Variants in PTPRF observed in about 807,000 individuals in gnomAD.
PTPRF encodes the protein protein tyrosine phosphatase receptor type F, also known as receptor-type tyrosine-protein phosphatase F.
In PTPRF, 59 loss-of-function variants were observed where a neutral mutation model predicts 201.8. That is an observed-to-expected ratio of 0.29 (90% CI 0.24 to 0.36). The LOEUF (loss-of-function observed/expected upper bound fraction) is 0.36. Among genes scored for constraint, PTPRF ranks in the 10% least tolerant of loss-of-function variants. The pLI, the probability that PTPRF is intolerant of heterozygous loss-of-function variation, is 1.00. For missense variants in PTPRF, 2,132 were observed against 2,690.5 expected (o/e 0.79, Z 4.59); for synonymous variants, 1,088 against 1,089.7 (o/e 1.00, Z 0.03).
At chr1:43,522,669 G>T (rs1185289283), upstream of PTPRF, among the ~76,000 whole-genome samples, 1 of 152,230 alleles carries the variant, frequency 6.6e-6, no homozygotes, top group African/African-American at 2.4e-5. Context: ...CAAAAGTGAA[G>T]AATGAGTTAC....
In PTPRF at chr1:43,553,381, T is replaced by TC; in HGVS notation, c.92-109dup. ...CTAAGCGCTACATAAAGGTGAGGTG[T>TC]CCTTGTTTTCTTTGTAGGTCTTTCT... On this transcript the variant is annotated intron_variant, in intron 3 of 33. Coordinates refer to ENST00000359947, the MANE Select transcript of PTPRF (RefSeq NM_002840.5). This position sits in a 1 kb window ranked among gnomAD's most constrained non-coding sequence, Gnocchi z 4.1. 2 of 1,236,536 alleles carry TC rather than the reference T, an allele frequency of 1.6e-6. No individual in the cohort carries two copies. Among genetic ancestry groups the TC allele is most frequent in the East Asian group, 4.7e-5 (2 of 42,826 alleles). The allele number at this position is 1,236,536 out of a possible 1,614,324, so 76.6% of individuals were successfully genotyped here.
At chr1:43,572,053 C>G (rs564724914) in intron 6 of PTPRF, among the ~76,000 whole-genome samples, 1 of 152,362 alleles carries the variant, frequency 6.6e-6, no homozygotes, top group East Asian at 1.9e-4. Flanking sequence ...CTGACCCGTC[C>G]TTGGTCCTTG....
chr1:43,550,602 A>G (rs1294338195), intron 3 of PTPRF, among the ~76,000 whole-genome samples: 1 of 152,206 alleles, frequency 6.6e-6, no homozygotes, highest in Admixed American at 6.5e-5. Context: ...CAGGCATGCT[A>G]TCTGCCCTGC....
chr1:43,548,243 G>A (rs1208432986), intron 3 of PTPRF, among the ~76,000 whole-genome samples: 1 of 152,064 alleles, frequency 6.6e-6, no homozygotes, highest in East Asian at 1.9e-4. Flanking sequence ...GGTGGGGTCC[G>A]AAGACCAGGT....
chr1:43,604,331 A>G, intron 16 of PTPRF, 142 bp downstream of exon 16: 1 of 849,568 alleles, frequency 1.2e-6, no homozygotes, highest in Non-Finnish European at 1.8e-6. Flanking sequence ...TGTGACCACT[A>G]ACCTCTAGTG....
Position 43,591,860 on chromosome 1 carries a change from G to A in PTPRF, c.1580G>A (p.Arg527Lys). The A allele has an allele frequency of 6.2e-7, 1 of 1,613,556 alleles. No individual in the cohort carries two copies. The highest frequency in any genetic ancestry group is 2.2e-5 in the East Asian group (1 of 44,880). The change falls in exon 10 of 34, where the codon AGG (arginine) becomes AAG (lysine). Residue 527 changes from arginine (R) to lysine (K), a missense_variant. Transcript: ENST00000359947. ...DFQAEVESDT[R>K]IQLSWLLPPQ... ...CAGGCCGAGGTGGAGTCGGACACCAGGATCCAGCTCTCGTGGCTGCTGCCC... is the reference window on the plus strand; with the variant it reads ...CAGGCCGAGGTGGAGTCGGACACCAAGATCCAGCTCTCGTGGCTGCTGCCC...
chr1:43,600,446 T>G (rs1358610980), intron 13 of PTPRF, among the ~76,000 whole-genome samples: 1 of 150,968 alleles, frequency 6.6e-6, no homozygotes, highest in African/African-American at 2.5e-5. Flanking sequence ...ACACTGAAGA[T>G]GGAGGCCTGC....
chr1:43,570,030 A>T (rs1428303141), intron 6 of PTPRF, among the ~76,000 whole-genome samples: 1 of 152,156 alleles, frequency 6.6e-6, no homozygotes, highest in Non-Finnish European at 1.5e-5. Flanking sequence ...AGCACATGTG[A>T]TGTGCCAGTG....
In PTPRF at chr1:43,530,889, A is replaced by AGCGGTGGCGGCG. The variant is rs995361249; in HGVS notation, c.-324_-313dup. 5 of 151,354 alleles carry AGCGGTGGCGGCG rather than the reference A, an allele frequency of 3.3e-5. No homozygotes were observed. The highest frequency in any genetic ancestry group is 1.2e-4 in the African/African-American group (5 of 40,680). 9.4% of individuals were successfully genotyped at this position (151,354 alleles called of 1,614,324 possible). On this transcript the variant is annotated 5_prime_UTR_variant, in exon 1 of 34. Coordinates refer to ENST00000359947, the MANE Select transcript of PTPRF (RefSeq NM_002840.5). This position sits in a 1 kb window ranked among gnomAD's most constrained non-coding sequence, Gnocchi z 4.1. ...CTGGAGCTGGCGCGGGAGCGGCGGG[A>AGCGGTGGCGGCG]GCGGTGGCGGCGGCAGAGGCGGCGG...
At chr1:43,556,414 A>G (rs1346609321) in intron 5 of PTPRF, among the ~76,000 whole-genome samples, 3 of 152,184 alleles carry the variant, frequency 2.0e-5, no homozygotes, top group Non-Finnish European at 2.9e-5. Context: ...GGCAGGTGCC[A>G]CCACGCCCAG....
Position 43,622,034 on chromosome 1 carries a change from C to T in PTPRF, c.*31C>T. 1 of 1,607,998 alleles carries T rather than the reference C, an allele frequency of 6.2e-7. No homozygotes were observed. Among genetic ancestry groups the T allele is most frequent in the Non-Finnish European group, 8.5e-7 (1 of 1,174,792 alleles). ...GCTCCCCTCTCCTCCGCCACCCCCG[C>T]CGTGGGGCTCCGGAGGGGACCCAGC... On this transcript the variant is annotated 3_prime_UTR_variant, in exon 34 of 34. Transcript: ENST00000359947.
upstream of PTPRF, among the ~76,000 whole-genome samples, chr1:43,524,228 G>A (rs905921446): frequency 4.6e-5 from 7 of 152,122 alleles, no homozygotes; most frequent in African/African-American, 1.2e-4. Flanking sequence ...GGAGGATGGC[G>A]GTGGTAAGGG....
chr1:43,553,669 C>T lies in PTPRF; in HGVS notation c.237+32C>T. ...CTGTGGTGGGAAGGGGTCGGCAGGG[C>T]TCAGGGTCTGCCCACACTCTCTCCT... On this transcript the variant is annotated intron_variant, in intron 4 of 33. Coordinates refer to ENST00000359947, the MANE Select transcript of PTPRF (RefSeq NM_002840.5). This position sits in a 1 kb window ranked among gnomAD's most constrained non-coding sequence, Gnocchi z 4.1. 6.2e-7 allele frequency: 1 copy of T among 1,612,808 alleles called. No individual in the cohort carries two copies. The highest frequency in any genetic ancestry group is 8.5e-7 in the Non-Finnish European group (1 of 1,179,384).
chr1:43,606,608 C>T (rs777048096), intron 20 of PTPRF, 150 bp downstream of exon 20: 34 of 1,100,310 alleles, frequency 3.1e-5, no homozygotes, highest in East Asian at 7.2e-5. Flanking sequence ...AGATCTGTCC[C>T]GGGGATCCTA....
intron 7 of PTPRF, among the ~76,000 whole-genome samples, chr1:43,584,686 C>T (rs115715030): frequency 5.3e-5 from 8 of 152,244 alleles, no homozygotes; most frequent in Admixed American, 3.9e-4. Flanking sequence ...TTGCATCTTA[C>T]ATTTTTCCAG....
At chr1:43,559,255 C>T (rs1177230655) in intron 5 of PTPRF, among the ~76,000 whole-genome samples, 1 of 151,994 alleles carries the variant, frequency 6.6e-6, no homozygotes, top group Non-Finnish European at 1.5e-5. Flanking sequence ...CACACGTTAC[C>T]ATCAGGCAGT....
At chr1:43,613,474 A>T in intron 22 of PTPRF, 144 bp from the exon 23 acceptor site, 1 of 718,724 alleles carries the variant, frequency 1.4e-6, no homozygotes, top group South Asian at 1.6e-5. Context: ...CTGTCGCCGC[A>T]TGTGCTGCTG....
intron 1 of PTPRF, among the ~76,000 whole-genome samples, chr1:43,533,302 G>C (rs570534479): frequency 1.9e-4 from 29 of 152,302 alleles, no homozygotes; most frequent in African/African-American, 6.7e-4. Flanking sequence ...GGGGGTGGTT[G>C]GGTGTTGGTG....
At chr1:43,613,250 C>T (rs1358360009) in intron 22 of PTPRF, 6 of 326,392 alleles carry the variant, frequency 1.8e-5, no homozygotes, top group Non-Finnish European at 3.0e-5. Context: ...GGAGGGCTGT[C>T]TGCAGGCAGA....
Sources: allele counts gnomAD v4.1 joint callset (sites outside exome capture counted in the v4.1 genomes callset), GRCh38; gene constraint gnomAD v4.1.1; non-coding constraint Gnocchi (gnomAD v3.1); transcripts MANE v1.5; gene names NCBI Gene and HGNC (gene_info 2026-07-23, HGNC 2026-07-21).